CNIH3: variants seen among roughly 807,000 people sequenced by gnomAD.
The protein encoded by CNIH3 is cornichon family AMPA receptor auxiliary protein 3.
In CNIH3, 14 loss-of-function variants were observed where a neutral mutation model predicts 24.1. The observed-to-expected ratio is 0.58, with a 90% CI of 0.38 to 0.91. The LOEUF (loss-of-function observed/expected upper bound fraction) is 0.91. CNIH3 is among the 40% of genes least tolerant of loss of function. The probability of loss-of-function intolerance (pLI) is 0.00; values close to 1 mark genes in which losing one functional copy is unlikely to be tolerated. For missense variants in CNIH3, 178 were observed against 196.8 expected, an observed-to-expected ratio of 0.90 and a Z score of 0.57; for synonymous variants, 68 against 73.8, an observed-to-expected ratio of 0.92 and a Z score of 0.40.
intron 3 of CNIH3, among the ~76,000 whole-genome samples, chr1:224,709,271 C>G (rs1398286319): frequency 6.6e-6 from 1 of 152,178 alleles, no homozygotes; most frequent in African/African-American, 2.4e-5. Context: ...TGCTCTCTCT[C>G]TCTCTCTTGA....
intron 1 of CNIH3, among the ~76,000 whole-genome samples, chr1:224,667,767 A>C (rs202030966): frequency 1.3e-5 from 2 of 149,732 alleles, no homozygotes; most frequent in African/African-American, 2.5e-5. Context: ...AAAAAAAAAA[A>C]CCCATGACTA....
At chr1:224,554,866 C>A (rs1334745145) in intron 3 of CNIH3, among the ~76,000 whole-genome samples, 3 of 152,148 alleles carry the variant, frequency 2.0e-5, no homozygotes, top group Non-Finnish European at 4.4e-5. Flanking sequence ...GGATTACTGG[C>A]ATGAGTCACT....
chr1:224,442,066 A>G (rs925807879), intron 1 of CNIH3, among the ~76,000 whole-genome samples: 6 of 139,678 alleles, frequency 4.3e-5, no homozygotes, highest in African/African-American at 1.6e-4. Context: ...TTGCTCAGGC[A>G]GGAGTGCAGT....
At chr1:224,676,359 G>GC (rs1686139726) in intron 1 of CNIH3, among the ~76,000 whole-genome samples, 1 of 152,114 alleles carries the variant, frequency 6.6e-6, no homozygotes, top group Admixed American at 6.5e-5. Context: ...GTGAGACATG[G>GC]CGGGGGGGTG....
chr1:224,578,533 C>T (rs2125010775), intron 4 of CNIH3, among the ~76,000 whole-genome samples: 1 of 152,244 alleles, frequency 6.6e-6, no homozygotes, highest in East Asian at 1.9e-4. Context: ...TTGTCTTTCT[C>T]TTTCTTAGTG....
intron 1 of CNIH3, among the ~76,000 whole-genome samples, chr1:224,660,495 G>A (rs1037761256): frequency 1.3e-5 from 2 of 151,352 alleles, no homozygotes; most frequent in African/African-American, 2.4e-5. Flanking sequence ...ATCTTCTTTG[G>A]CACATTTTAT....
Position 224,616,323 on chromosome 1 carries a change from G to A in CNIH3, c.-852G>A. ...TCGCACCGCTACAGTTCTCGCAGTG[G>A]CAAAGGCGGCGGCGGCGGCGGCGGC... On this transcript the variant is annotated 5_prime_UTR_variant, in exon 1 of 6. Transcript: ENST00000272133. 5.7e-6 allele frequency: 2 copies of A among 349,186 alleles called. No homozygotes were observed. The highest frequency in any genetic ancestry group is 4.4e-6 in the Non-Finnish European group (1 of 227,288). The allele number at this position is 349,186 out of a possible 1,614,324, so 21.6% of individuals were successfully genotyped here. A position where few individuals can be genotyped will look rare whatever the true frequency, so the allele number is the denominator to read the frequency against.
chr1:224,614,365 TAGTTTCTAA>T (rs1047757644), upstream of CNIH3, among the ~76,000 whole-genome samples: 19 of 152,332 alleles, frequency 1.2e-4, no homozygotes, highest in African/African-American at 4.6e-4. Flanking sequence ...GAAAGGCATC[TAGTTTCTAA>T]ACTGGAGGGA....
chr1:224,676,335 G>T (rs1460470527), intron 1 of CNIH3, among the ~76,000 whole-genome samples: 6 of 152,158 alleles, frequency 3.9e-5, no homozygotes, highest in Non-Finnish European at 8.8e-5. Flanking sequence ...AGTGGTTGCT[G>T]GGCAGGGGAC....
intron 1 of CNIH3, among the ~76,000 whole-genome samples, chr1:224,444,715 G>T (rs1351706540): frequency 6.6e-6 from 1 of 151,810 alleles, no homozygotes; most frequent in East Asian, 1.9e-4. Flanking sequence ...CGCGATCTCG[G>T]CTCACTGCAA....
intron 1 of CNIH3, among the ~76,000 whole-genome samples, chr1:224,441,398 G>A (rs2102945504): frequency 6.6e-6 from 1 of 152,124 alleles, no homozygotes; most frequent in East Asian, 1.9e-4. Context: ...CTCTCATTTG[G>A]TTAAGTTCTT....
intron 2 of CNIH3, among the ~76,000 whole-genome samples, chr1:224,528,910 A>T (rs1343284073): frequency 6.6e-6 from 1 of 152,232 alleles, no homozygotes. Context: ...TGGTGGGATT[A>T]AGAATTGAAT....
intron 1 of CNIH3, among the ~76,000 whole-genome samples, chr1:224,617,484 G>A (rs1160670495): frequency 2.0e-5 from 3 of 152,162 alleles, no homozygotes; most frequent in Non-Finnish European, 4.4e-5. Context: ...CCCTCTGCAG[G>A]GCCCGACTGG....
chr1:224,507,199 C>T (rs1677956308), intron 1 of CNIH3, among the ~76,000 whole-genome samples: 1 of 152,134 alleles, frequency 6.6e-6, no homozygotes, highest in Non-Finnish European at 1.5e-5. Flanking sequence ...ATGTATGTAT[C>T]CCTCCAGATC....
chr1:224,719,683 A>C (rs548211369), intron 3 of CNIH3, among the ~76,000 whole-genome samples: 10 of 152,348 alleles, frequency 6.6e-5, no homozygotes, highest in African/African-American at 2.4e-4. Flanking sequence ...GTAGATGGAC[A>C]AACTGAGCCT....
At chr1:224,701,497 C>G (rs750085445) in intron 3 of CNIH3, among the ~76,000 whole-genome samples, 18 of 152,120 alleles carry the variant, frequency 1.2e-4, no homozygotes, top group Non-Finnish European at 2.4e-4. Flanking sequence ...CACGAGGGCT[C>G]CACCCTCATG....
intron 1 of CNIH3, among the ~76,000 whole-genome samples, chr1:224,642,392 G>C (rs1684405584): frequency 6.6e-6 from 1 of 152,134 alleles, no homozygotes; most frequent in South Asian, 2.1e-4. Context: ...ACCATATCTA[G>C]CTAATTTTTT....
chr1:224,688,489 G>A (rs1444815364), intron 3 of CNIH3, among the ~76,000 whole-genome samples: 5 of 152,016 alleles, frequency 3.3e-5, no homozygotes, highest in Admixed American at 1.3e-4. Context: ...GAAGGTGCTC[G>A]GTGAGTATTT....
intron 1 of CNIH3, among the ~76,000 whole-genome samples, chr1:224,506,289 A>G (rs1024530911): frequency 9.2e-5 from 13 of 140,972 alleles, no homozygotes; most frequent in South Asian, 2.3e-4. Context: ...GCGCGCGCGC[A>G]CACACACACA....
Sources: allele counts gnomAD v4.1 joint callset (sites outside exome capture counted in the v4.1 genomes callset), GRCh38; gene constraint gnomAD v4.1.1; transcripts MANE v1.5; gene names NCBI Gene and HGNC (gene_info 2026-07-23, HGNC 2026-07-21).